The following INPP4B variants were observed in gnomAD, a reference collection of about 807,000 sequenced individuals.
INPP4B encodes the protein inositol polyphosphate-4-phosphatase type II B, also known as inositol polyphosphate 4-phosphatase type II.
A neutral mutation model predicts 122.5 loss-of-function variants in INPP4B; 55 were observed. The observed-to-expected ratio is 0.45, with a 90% confidence interval of 0.36 to 0.56. INPP4B has a LOEUF of 0.56. Ranked by LOEUF, INPP4B falls within the 20% of genes least tolerant of loss-of-function variation. INPP4B has a pLI of 0.00. For missense variants in INPP4B, 1,000 were observed against 1,097.7 expected, an observed-to-expected ratio of 0.91 and a Z score of 1.26; for synonymous variants, 403 against 388.7, an observed-to-expected ratio of 1.04 and a Z score of -0.43.
intron 11 of INPP4B, among the ~76,000 whole-genome samples, chr4:142,259,987 T>C (rs1427325245): frequency 1.3e-5 from 2 of 151,676 alleles, no homozygotes; most frequent in East Asian, 3.9e-4. Context: ...TATTTGTTTT[T>C]TGTTCATTTG....
intron 12 of INPP4B, among the ~76,000 whole-genome samples, chr4:142,209,788 G>A (rs1460406331): frequency 4.8e-4 from 25 of 52,408 alleles, no homozygotes; most frequent in Non-Finnish European, 7.3e-4. Context: ...GTAAGACCCC[G>A]TCTCAAAAAA....
intron 25 of INPP4B, among the ~76,000 whole-genome samples, chr4:142,042,234 A>G (rs73853017): frequency 0.01 from 1,573 of 152,272 alleles, 28 homozygotes; most frequent in African/African-American, 0.035. Flanking sequence ...ACCAATGCAC[A>G]ATGCTAGTGG....
intron 2 of INPP4B, among the ~76,000 whole-genome samples, chr4:142,571,939 GAATA>G (rs1257897834): frequency 6.6e-6 from 1 of 152,072 alleles, no homozygotes; most frequent in African/African-American, 2.4e-5. Flanking sequence ...GCGAATAAAT[GAATA>G]AATTGCTTTT....
chr4:142,140,004 C>T (rs1214789544), intron 18 of INPP4B, among the ~76,000 whole-genome samples: 2 of 152,060 alleles, frequency 1.3e-5, no homozygotes, highest in African/African-American at 4.8e-5. Context: ...TGAAGGCAGA[C>T]AGAGATAAAG....
chr4:142,229,523 A>G (rs1277987632), intron 12 of INPP4B, among the ~76,000 whole-genome samples: 1 of 152,182 alleles, frequency 6.6e-6, no homozygotes, highest in African/African-American at 2.4e-5. Context: ...ATGGTGTATA[A>G]GAAATCTAAA....
chr4:142,644,905 CAAAAA>C (rs72460445), intron 2 of INPP4B, among the ~76,000 whole-genome samples: 5 of 66,156 alleles, frequency 7.6e-5, no homozygotes, highest in African/African-American at 1.8e-4. Context: ...GACTCCATCT[CAAAAA>C]AAAAAAAAAA....
intron 7 of INPP4B, among the ~76,000 whole-genome samples, chr4:142,355,094 C>T (rs915279822): frequency 1.3e-5 from 2 of 151,958 alleles, no homozygotes; most frequent in African/African-American, 2.4e-5. Context: ...AAACTTTCAC[C>T]TGGACTTTTT....
chr4:142,714,848 C>A (rs1190479747), intron 2 of INPP4B, among the ~76,000 whole-genome samples: 1 of 152,162 alleles, frequency 6.6e-6, no homozygotes, highest in Admixed American at 6.5e-5. Context: ...CAAAAGATAT[C>A]TGGGTTATCT....
intron 16 of INPP4B, 106 bp downstream of exon 16, chr4:142,173,526 T>G (rs1278131650): frequency 1.1e-6 from 1 of 919,086 alleles, no homozygotes; most frequent in East Asian, 2.5e-5. Context: ...TAACCTACTC[T>G]ATTTTACATT....
chr4:142,276,503 A>G (rs556214642), intron 9 of INPP4B, among the ~76,000 whole-genome samples: 14 of 151,978 alleles, frequency 9.2e-5, no homozygotes, highest in Admixed American at 7.2e-4. Context: ...TGCTGACTCT[A>G]TACAGTAAAC....
At chr4:142,382,521 A>C (rs116440728) in intron 7 of INPP4B, among the ~76,000 whole-genome samples, 1,997 of 147,716 alleles carry the variant, frequency 0.014, 48 homozygotes, top group African/African-American at 0.047. Flanking sequence ...AAAACAAAAA[A>C]CATACATACA....
intron 7 of INPP4B, among the ~76,000 whole-genome samples, chr4:142,346,004 G>C (rs1460044012): frequency 6.6e-6 from 1 of 151,950 alleles, no homozygotes; most frequent in Non-Finnish European, 1.5e-5. Context: ...GATATAAACA[G>C]GCAGTTGCAA....
chr4:142,596,170 GACC>G (rs1181994987), intron 2 of INPP4B, among the ~76,000 whole-genome samples: 1 of 152,008 alleles, frequency 6.6e-6, no homozygotes, highest in African/African-American at 2.4e-5. Context: ...AATAAAAAAA[GACC>G]ACAATAATTA....
At chr4:142,719,530 C>T (rs1023621080) in intron 2 of INPP4B, among the ~76,000 whole-genome samples, 2 of 151,836 alleles carry the variant, frequency 1.3e-5, no homozygotes, top group African/African-American at 2.4e-5. Context: ...CGCGATGTTG[C>T]CCAGGCTGGT....
chr4:142,305,758 A>G lies in INPP4B; in HGVS notation c.424-221T>C, dbSNP rs568060298. 1.5e-5 allele frequency: 21 copies of G among 1,363,520 alleles called. No homozygotes were observed. In the African/African-American group the frequency reaches 3.1e-4, roughly 20 times the overall value. 84.5% of individuals were successfully genotyped at this position (1,363,520 alleles called of 1,614,324 possible). ...CATTTTCCCTAAAAGAAAAGAGACCAACAGGCTAGAAAATAACAAGAGGTA... is the reference window on the plus strand; with the variant it reads ...CATTTTCCCTAAAAGAAAAGAGACCGACAGGCTAGAAAATAACAAGAGGTA... On this transcript the variant is annotated intron_variant, in intron 8 of 25. Transcript: ENST00000262992.
At chr4:142,531,278 A>AT (rs955109362) in intron 2 of INPP4B, among the ~76,000 whole-genome samples, 1 of 151,898 alleles carries the variant, frequency 6.6e-6, no homozygotes, top group African/African-American at 2.4e-5. Flanking sequence ...GATTAAAAAA[A>AT]AAGAAGGAAG....
intron 18 of INPP4B, among the ~76,000 whole-genome samples, chr4:142,144,390 G>GA (rs984830672): frequency 2.6e-5 from 4 of 151,854 alleles, no homozygotes; most frequent in East Asian, 1.9e-4. Flanking sequence ...AATATGCCTT[G>GA]AAAAAATCTA....
intron 1 of INPP4B, among the ~76,000 whole-genome samples, chr4:142,732,732 C>T (rs1002857938): frequency 6.6e-5 from 10 of 152,042 alleles, no homozygotes; most frequent in African/African-American, 2.4e-4. Flanking sequence ...ACATGGAAGA[C>T]TCAATATTAT....
chr4:142,742,658 C>A (rs1768076436), intron 1 of INPP4B, among the ~76,000 whole-genome samples: 1 of 151,694 alleles, frequency 6.6e-6, no homozygotes, highest in South Asian at 2.1e-4. Context: ...ACAAAGTTTA[C>A]AACCAAATGA....
Sources: allele counts gnomAD v4.1 joint callset (sites outside exome capture counted in the v4.1 genomes callset), GRCh38; gene constraint gnomAD v4.1.1; transcripts MANE v1.5; gene names NCBI Gene and HGNC (gene_info 2026-07-23, HGNC 2026-07-21).